The following ROBO2 variants were observed in gnomAD, a reference collection of about 807,000 sequenced individuals.
ROBO2 encodes the protein roundabout guidance receptor 2, also known as roundabout homolog 2.
A neutral mutation model predicts 160.8 loss-of-function variants in ROBO2; 53 were observed. That is an observed-to-expected ratio of 0.33 (90% confidence interval 0.26 to 0.41). The LOEUF (loss-of-function observed/expected upper bound fraction) is 0.41. Among genes scored for constraint, ROBO2 ranks in the 10% least tolerant of loss-of-function variants. The pLI is 1.00. For missense variants in ROBO2, 1,577 were observed against 1,722.4 expected (o/e 0.92, Z 1.49); for synonymous variants, 664 against 611.7 (o/e 1.09, Z -1.26).
intron 2 of ROBO2, among the ~76,000 whole-genome samples, chr3:76,845,761 T>G (rs762304233): frequency 3.3e-5 from 5 of 152,076 alleles, no homozygotes; most frequent in Non-Finnish European, 7.4e-5. Flanking sequence ...ATCAACATGG[T>G]AACCTTCATT....
intron 6 of ROBO2, among the ~76,000 whole-genome samples, chr3:77,528,049 T>G (rs2091332694): frequency 6.6e-6 from 1 of 151,674 alleles, no homozygotes; most frequent in Non-Finnish European, 1.5e-5. Flanking sequence ...GAAATCTAAG[T>G]AAGTTAACAG....
At chr3:77,510,408 A>G (rs918767452) in intron 5 of ROBO2, among the ~76,000 whole-genome samples, 12 of 152,022 alleles carry the variant, frequency 7.9e-5, no homozygotes, top group African/African-American at 2.9e-4. Context: ...TAAGTGAGGA[A>G]GACACAACCA....
intron 2 of ROBO2, among the ~76,000 whole-genome samples, chr3:77,247,245 G>A (rs576390070): frequency 3.3e-5 from 5 of 152,184 alleles, no homozygotes; most frequent in South Asian, 2.1e-4. Flanking sequence ...CTATTCCCAC[G>A]AGCAGCCCAG....
intron 2 of ROBO2, among the ~76,000 whole-genome samples, chr3:76,024,991 CTTTA>C (rs1473405665): frequency 2.0e-5 from 3 of 149,730 alleles, no homozygotes; most frequent in African/African-American, 7.3e-5. Context: ...TAAAGGAATT[CTTTA>C]TTTGGCATAT....
intron 2 of ROBO2, among the ~76,000 whole-genome samples, chr3:76,416,094 T>C (rs983995003): frequency 2.6e-5 from 4 of 152,128 alleles, no homozygotes; most frequent in African/African-American, 9.7e-5. Context: ...AAGCAATATG[T>C]TATTTTTTTC....
At chr3:77,603,517 A>T (rs1189796970) in intron 20 of ROBO2, among the ~76,000 whole-genome samples, 1 of 152,160 alleles carries the variant, frequency 6.6e-6, no homozygotes, top group Non-Finnish European at 1.5e-5. Context: ...CTATTGAATG[A>T]TATTCTACTG....
At chr3:77,257,834 CA>C (rs2058521000) in intron 2 of ROBO2, among the ~76,000 whole-genome samples, 2 of 152,206 alleles carry the variant, frequency 1.3e-5, no homozygotes, top group South Asian at 4.2e-4. Context: ...TTAAATTCAG[CA>C]ATACATACTG....
chr3:77,103,546 C>G lies in ROBO2; in HGVS notation c.388+5206C>G, dbSNP rs185575510. Among the ~76,000 whole-genome samples the G allele has an allele frequency of 2.3e-3, 345 of 151,954 alleles. 1 individual carries two copies. The highest frequency in any genetic ancestry group is 4.0e-3 in the Non-Finnish European group (270 of 67,988). On this transcript the variant is annotated intron_variant, in intron 2 of 25. Transcript: ENST00000461745. ...CTTTTGATGCAGTTACAAGAGAGAACAGATGTGATTCATAATTCAAGTATG... is the reference window on the plus strand; with the variant it reads ...CTTTTGATGCAGTTACAAGAGAGAAGAGATGTGATTCATAATTCAAGTATG...
chr3:77,097,077 G>A (rs1301748102), intron 1 of ROBO2, among the ~76,000 whole-genome samples: 2 of 152,152 alleles, frequency 1.3e-5, no homozygotes, highest in Admixed American at 6.5e-5. Flanking sequence ...TCTGTGAGCC[G>A]TGTAAAAGAA....
intron 2 of ROBO2, among the ~76,000 whole-genome samples, chr3:76,648,231 T>C (rs986145702): frequency 3.3e-5 from 5 of 152,040 alleles, no homozygotes; most frequent in African/African-American, 1.2e-4. Flanking sequence ...ATGAGGAAAA[T>C]CTGAAGCATT....
intron 2 of ROBO2, among the ~76,000 whole-genome samples, chr3:76,667,457 C>T (rs1037481913): frequency 4.6e-5 from 7 of 152,090 alleles, no homozygotes; most frequent in Admixed American, 4.6e-4. Flanking sequence ...TTTCTGTTCT[C>T]TTGCTTTCTC....
At chr3:77,321,940 C>T (rs1350934955) in intron 2 of ROBO2, among the ~76,000 whole-genome samples, 2 of 152,058 alleles carry the variant, frequency 1.3e-5, no homozygotes, top group Non-Finnish European at 1.5e-5. Context: ...GCACAGTGCA[C>T]GGGTATTTTC....
chr3:76,917,776 A>G (rs1437024527), intron 2 of ROBO2, among the ~76,000 whole-genome samples: 1 of 148,064 alleles, frequency 6.8e-6, no homozygotes, highest in African/African-American at 2.5e-5. Flanking sequence ...TTAAGCTCAG[A>G]GTTTTATTCT....
chr3:76,885,114 A>T (rs1395430104), intron 2 of ROBO2, among the ~76,000 whole-genome samples: 2 of 152,172 alleles, frequency 1.3e-5, no homozygotes, highest in Non-Finnish European at 2.9e-5. Flanking sequence ...AGGAGAAAAA[A>T]ACTGACTAGC....
chr3:77,490,760 A>T (rs1409255367), intron 4 of ROBO2, among the ~76,000 whole-genome samples: 1 of 152,170 alleles, frequency 6.6e-6, no homozygotes, highest in East Asian at 1.9e-4. Flanking sequence ...TTGCTAAATG[A>T]AAAGTTGAGA....
intron 2 of ROBO2, among the ~76,000 whole-genome samples, chr3:77,154,632 G>A (rs181101902): frequency 6.6e-6 from 1 of 152,094 alleles, no homozygotes; most frequent in Non-Finnish European, 1.5e-5. Context: ...GGTGACCATC[G>A]GCGGTGGACT....
intron 9 of ROBO2, among the ~76,000 whole-genome samples, chr3:77,561,359 T>C (rs2093317801): frequency 6.6e-6 from 1 of 152,188 alleles, no homozygotes; most frequent in African/African-American, 2.4e-5. Flanking sequence ...CATCAGTTTC[T>C]CTTCCCAGTG....
intron 21 of ROBO2, among the ~76,000 whole-genome samples, chr3:77,608,625 C>G (rs2094569541): frequency 6.6e-6 from 1 of 152,104 alleles, no homozygotes; most frequent in Admixed American, 6.6e-5. Context: ...AATACAAAGA[C>G]ACTGATATTT....
intron 2 of ROBO2, among the ~76,000 whole-genome samples, chr3:76,189,796 T>C (rs949393083): frequency 2.6e-5 from 4 of 152,086 alleles, no homozygotes; most frequent in Admixed American, 6.6e-5. Context: ...TTTAAACACA[T>C]TTTATCGTTT....
Sources: allele counts gnomAD v4.1 joint callset (sites outside exome capture counted in the v4.1 genomes callset), GRCh38; gene constraint gnomAD v4.1.1; transcripts MANE v1.5; gene names NCBI Gene and HGNC (gene_info 2026-07-23, HGNC 2026-07-21).